RPL28: variants seen among roughly 807,000 people sequenced by gnomAD.
RPL28 encodes ribosomal protein L28.
Under a neutral mutation model 12.5 loss-of-function variants are expected in RPL28, and 4 were observed. That is an observed-to-expected ratio of 0.32 (90% CI 0.16 to 0.73). The LOEUF (loss-of-function observed/expected upper bound fraction) is 0.73. RPL28 is among the 30% of genes least tolerant of loss of function. The probability of loss-of-function intolerance (pLI) is 0.66; values close to 1 mark genes in which losing one functional copy is unlikely to be tolerated. For synonymous variants in RPL28, 91 were observed against 72.5 expected, an observed-to-expected ratio of 1.26 and a Z score of -1.30; for missense variants, 214 against 197.7, an observed-to-expected ratio of 1.08 and a Z score of -0.49.
In RPL28 at chr19:55,389,665, C is replaced by G; in HGVS notation, c.*1333C>G. 1 of 985,522 alleles carries G rather than the reference C, an allele frequency of 1.0e-6. No individual in the cohort carries two copies. The highest frequency in any genetic ancestry group is 1.2e-6 in the Non-Finnish European group (1 of 829,996). The allele number at this position is 985,522 out of a possible 1,614,324, so 61.0% of individuals were successfully genotyped here. Reference sequence around the variant, plus strand: ...TCAGTCCTGTCTGCTCCAGTCTTGCCCAGCTCGAAGGAGAGCAGATCTGAC... The same window carrying G: ...TCAGTCCTGTCTGCTCCAGTCTTGCGCAGCTCGAAGGAGAGCAGATCTGAC... On this transcript the variant is annotated 3_prime_UTR_variant, in exon 5 of 5. Coordinates refer to ENST00000344063, the MANE Select transcript of RPL28 (RefSeq NM_000991.5).
chr19:55,396,915 T>C (rs1466314143), downstream of RPL28, among the ~76,000 whole-genome samples: 1 of 151,632 alleles, frequency 6.6e-6, no homozygotes, highest in Non-Finnish European at 1.5e-5. Flanking sequence ...GGTCTGGCTC[T>C]ATCGTCCAGG....
intron 4 of RPL28, among the ~76,000 whole-genome samples, chr19:55,397,347 A>G (rs1304356541): frequency 1.3e-5 from 2 of 152,210 alleles, no homozygotes; most frequent in Non-Finnish European, 2.9e-5. Context: ...TTAAATATAC[A>G]AGCATGTTTC....
At chr19:55,396,666 C>T (rs1338953452), downstream of RPL28, among the ~76,000 whole-genome samples, 1 of 141,252 alleles carries the variant, frequency 7.1e-6, no homozygotes, top group Non-Finnish European at 1.5e-5. Context: ...CTGCAAGTTC[C>T]ACCTCCCGGG....
At chr19:55,387,851 A>G in intron 3 of RPL28, 79 bp from the exon 4 acceptor site, 1 of 1,493,810 alleles carries the variant, frequency 6.7e-7, no homozygotes, top group Admixed American at 2.4e-5. Context: ...TCTCAATGTG[A>G]GACTGTCCAC....
At chr19:55,395,438 T>C (rs1480403426), downstream of RPL28, among the ~76,000 whole-genome samples, 4 of 141,870 alleles carry the variant, frequency 2.8e-5, no homozygotes, top group Non-Finnish European at 3.0e-5. Flanking sequence ...TGGCCTTCTT[T>C]TTCTCTTTTT....
chr19:55,388,194 G>A (rs377017020), intron 4 of RPL28, 49 bp from the exon 5 acceptor site: 13 of 1,509,076 alleles, frequency 8.6e-6, no homozygotes, highest in Non-Finnish European at 1.1e-5. Context: ...CCTAGGGGGC[G>A]GCTTGTGGAG....
chr19:55,394,076 C>T (rs1284573139), downstream of RPL28, among the ~76,000 whole-genome samples: 2 of 152,020 alleles, frequency 1.3e-5, no homozygotes, highest in Non-Finnish European at 2.9e-5. Context: ...TCCAGGCTAA[C>T]ACAGTGAAAC....
downstream of RPL28, among the ~76,000 whole-genome samples, chr19:55,393,751 C>T (rs560485150): frequency 4.6e-5 from 7 of 151,242 alleles, no homozygotes; most frequent in East Asian, 3.9e-4. Flanking sequence ...TGGGTTCAAG[C>T]GATTCTCCTG....
downstream of RPL28, among the ~76,000 whole-genome samples, chr19:55,393,927 GGT>G (rs2090007721): frequency 6.6e-6 from 1 of 151,542 alleles, no homozygotes; most frequent in Admixed American, 6.6e-5. Flanking sequence ...TGGGATTACA[GGT>G]GTGAGCCACT....
rs773001900 is a variant in RPL28, at chr19:55,401,630, C to T, written c.325-1313C>T. On this transcript the variant is annotated intron_variant, in intron 4 of 4. Coordinates refer to the RPL28 transcript ENST00000560055. The stretch of plus-strand genomic sequence containing the variant: ...GCTTCGGCCCTGCCGCTGGGCCCGC[C>T]GGCGCCCCCGTGGATCTCTGTGAGC... 43 of 1,605,664 alleles carry T rather than the reference C, an allele frequency of 2.7e-5. No individual in the cohort carries two copies. In the East Asian group the frequency reaches 3.4e-4, roughly 13 times the overall value.
rs2089966599 is a variant in RPL28 at position 55,389,313 on chromosome 19, GC to G, written c.*985del. On this transcript the variant is annotated 3_prime_UTR_variant, in exon 5 of 5. Transcript: ENST00000344063. ...GTATGAGGCTGCAGTGAGCCCATGA[GC>G]CCCACCACTACACTCCAGCCTGGAA... The G allele has an allele frequency of 2.1e-6, 2 of 973,094 alleles. No individual in the cohort carries two copies. The highest frequency in any genetic ancestry group is 2.4e-6 in the Non-Finnish European group (2 of 819,352). The allele number at this position is 973,094 out of a possible 1,614,324, so 60.3% of individuals were successfully genotyped here.
chr19:55,397,858 C>T (rs891226239), intron 4 of RPL28, among the ~76,000 whole-genome samples: 3 of 151,838 alleles, frequency 2.0e-5, no homozygotes, highest in Non-Finnish European at 1.5e-5. Context: ...ATAGTGATAC[C>T]GCATCTTCTT....
intron 3 of RPL28, chr19:55,387,360 G>A (rs1243436715): frequency 3.9e-6 from 6 of 1,551,430 alleles, no homozygotes; most frequent in Non-Finnish European, 4.4e-6. Context: ...AGCAACAAAC[G>A]CAGTCTGTTG....
At chr19:55,400,204 T>G (rs965268765) in intron 4 of RPL28, 2 of 152,222 alleles carry the variant, frequency 1.3e-5, no homozygotes, top group African/African-American at 4.8e-5. Context: ...ATTTTACTTT[T>G]TGTAGAGATG....
rs567943034 is a variant in RPL28, at chr19:55,390,488, C to G, written c.*2156C>G. ...CCAAAGTGCTGGCATTACAGGCGCT[C>G]GAGGCTTTCTGATGTGGCTGCTGCT... On this transcript the variant is annotated 3_prime_UTR_variant, in exon 5 of 5. Coordinates refer to ENST00000344063, the MANE Select transcript of RPL28 (RefSeq NM_000991.5). The G allele has an allele frequency of 1.0e-5, 10 of 985,476 alleles. No individual in the cohort carries two copies. Among genetic ancestry groups the G allele is most frequent in the African/African-American group, 5.2e-5 (3 of 57,362 alleles). The allele number at this position is 985,476 out of a possible 1,614,324, so 61.0% of individuals were successfully genotyped here.
At position 55,388,788 on chromosome 19, in the gene RPL28, G is replaced by C; in HGVS notation, c.*456G>C. ...ACGACAGACATCACGGGAGGAAGAT[G>C]AGATGACTTTTGCATCCAGGGAGTG... is the stretch of plus-strand genomic sequence containing the variant. On this transcript the variant is annotated 3_prime_UTR_variant, in exon 5 of 5. Transcript: ENST00000344063. The C allele has an allele frequency of 4.0e-6, 4 of 994,672 alleles. No homozygotes were observed. The highest frequency in any genetic ancestry group is 4.8e-6 in the Non-Finnish European group (4 of 836,456). 61.6% of individuals were successfully genotyped at this position (994,672 alleles called of 1,614,324 possible). A position where few individuals can be genotyped will look rare whatever the true frequency, so the allele number is the denominator to read the frequency against.
chr19:55,385,971 C>T lies in RPL28; in HGVS notation c.-9+6C>T, dbSNP rs913756900. ...GGTCGCCGCTGCGAAGGGAGGTGAG[C>T]GTTCGTCTTCCTCGCGTGGTCGCCA... On this transcript the variant is annotated splice_donor_region_variant and intron_variant, in intron 1 of 4. Coordinates refer to ENST00000344063, the MANE Select transcript of RPL28 (RefSeq NM_000991.5). The T allele has an allele frequency of 1.9e-5, 5 of 260,420 alleles. No homozygotes were observed. The highest frequency in any genetic ancestry group is 6.6e-5 in the African/African-American group (3 of 45,424). The allele number at this position is 260,420 out of a possible 1,614,324, so 16.1% of individuals were successfully genotyped here.
intron 3 of RPL28, chr19:55,387,489 G>A: frequency 1.4e-6 from 2 of 1,459,602 alleles, no homozygotes; most frequent in Non-Finnish European, 1.8e-6. Flanking sequence ...CCGAATACAT[G>A]GGTGGCCCTT....
At chr19:55,399,536 A>C (rs2090042711) in intron 4 of RPL28, among the ~76,000 whole-genome samples, 1 of 152,078 alleles carries the variant, frequency 6.6e-6, no homozygotes, top group Non-Finnish European at 1.5e-5. Context: ...TTGGTCATTG[A>C]CCTCAACCTT....
Sources: gnomAD v4.1 joint callset for allele counts (sites outside exome capture counted in the v4.1 genomes callset) on GRCh38, gnomAD v4.1.1 for gene constraint, MANE v1.5 for transcripts, NCBI Gene and HGNC (gene_info 2026-07-23, HGNC 2026-07-21) for gene names.